The following CCNF variants were observed in gnomAD, a reference collection of about 807,000 sequenced individuals.
The protein encoded by CCNF is cyclin F.
In CCNF, 30 loss-of-function variants were observed where a neutral mutation model predicts 85.4. The ratio of observed to expected loss-of-function variants is 0.35; its 90% confidence interval spans 0.26 to 0.48. CCNF has a LOEUF of 0.48. CCNF is among the 20% of genes least tolerant of loss of function. CCNF has a pLI of 0.99. For synonymous variants in CCNF, 439 were observed against 425.1 expected (o/e 1.03, Z -0.40); for missense variants, 919 against 1,010.4 (o/e 0.91, Z 1.23).
At chr16:2,454,439 C>T (rs1025719499) in intron 15 of CCNF, among the ~76,000 whole-genome samples, 10 of 152,202 alleles carry the variant, frequency 6.6e-5, no homozygotes, top group African/African-American at 2.4e-4. Context: ...GGGGGCCTGG[C>T]CCTGGCCCTG....
At chr16:2,442,882 AATTATAT>A (rs1309564530) in intron 8 of CCNF, among the ~76,000 whole-genome samples, 7 of 31,298 alleles carry the variant, frequency 2.2e-4, no homozygotes, top group South Asian at 1.0e-3. Flanking sequence ...ATTATATTAT[AATTATAT>A]ATTATATATT....
At chr16:2,430,233 C>G (rs779594258) in intron 1 of CCNF, among the ~76,000 whole-genome samples, 6 of 151,916 alleles carry the variant, frequency 3.9e-5, no homozygotes, top group Non-Finnish European at 7.4e-5. Context: ...CCTTTCAGGA[C>G]TGGAAGGAAG....
chr16:2,441,358 T>C (rs1292002118), intron 8 of CCNF, among the ~76,000 whole-genome samples: 4 of 152,150 alleles, frequency 2.6e-5, no homozygotes, highest in African/African-American at 9.7e-5. Flanking sequence ...ATCGCAACAT[T>C]GCACTTCAGC....
At chr16:2,442,749 AATT>A (rs1391510443) in intron 8 of CCNF, among the ~76,000 whole-genome samples, 1 of 25,930 alleles carries the variant, frequency 3.9e-5, no homozygotes, top group African/African-American at 5.1e-4. Flanking sequence ...ATTATATAAT[AATT>A]ATAATAATAT....
In CCNF at chr16:2,457,613, C is replaced by T. The variant is rs376935289; in HGVS notation, c.*593C>T. On this transcript the variant is annotated 3_prime_UTR_variant, in exon 17 of 17. Coordinates refer to ENST00000397066, the MANE Select transcript of CCNF (RefSeq NM_001761.3). ...GCCTTGGCCACAGGCCCACTCCCTA[C>T]GACACGTGACTCGTTTTAGAGCTCT... 51 of 152,662 alleles carry T rather than the reference C, an allele frequency of 3.3e-4. No homozygotes were observed. Among genetic ancestry groups the T allele is most frequent in the African/African-American group, 1.1e-3 (45 of 41,594 alleles). The allele number at this position is 152,662 out of a possible 1,614,324, so 9.5% of individuals were successfully genotyped here.
At chr16:2,431,030 C>A (rs776824044) in intron 1 of CCNF, 100 bp from the exon 2 acceptor site, 4 of 1,202,056 alleles carry the variant, frequency 3.3e-6, no homozygotes, top group Non-Finnish European at 5.0e-6. Context: ...ACCATTAGAT[C>A]ATCTTCAGAT....
chr16:2,437,173 G>T lies in CCNF; in HGVS notation c.391G>T (p.Ala131Ser), dbSNP rs951449600. The change falls in exon 5 of 17, where the codon GCC becomes TCC. Residue 131 changes from alanine to serine, a missense_variant. By Grantham distance (99) the Ala-to-Ser change is moderately conservative. Around this residue, in one of 3 missense-constraint regions of CCNF, gnomAD observed 410 missense variants for 478.6 expected, o/e 0.86. Transcript: ENST00000397066. ...CCGCGCAGAAGTGAATGGCCTGAAG[G>T]CCTCTCGCTTCTTCAGTCTCGCTGA... ...EARAEVNGLKASRFFSLAERL... is the reference protein window; with the variant it reads ...EARAEVNGLKSSRFFSLAERL... 1.9e-6 allele frequency: 3 copies of T among 1,610,818 alleles called. No individual in the cohort carries two copies. The highest frequency in any genetic ancestry group is 1.7e-5 in the Admixed American group (1 of 59,900).
intron 1 of CCNF, 173 bp from the exon 2 acceptor site, chr16:2,430,956 CT>C (rs1318091633): frequency 1.3e-6 from 1 of 788,132 alleles, no homozygotes; most frequent in Admixed American, 1.7e-5. Flanking sequence ...AATGCCACTC[CT>C]TTACATAATC....
intron 16 of CCNF, 119 bp downstream of exon 16, chr16:2,455,683 G>T (rs1351614983): frequency 7.1e-7 from 1 of 1,405,532 alleles, no homozygotes. Context: ...CACAGAGTGC[G>T]GGGTGGGGCC....
rs545234686 is a variant in CCNF at position 2,449,173 on chromosome 16, G to C, written c.1219-109G>C. The C allele has an allele frequency of 2.5e-3, 3,592 of 1,461,548 alleles. 3 individuals are homozygous for C. The highest frequency in any genetic ancestry group is 3.2e-3 in the Non-Finnish European group (3,373 of 1,043,464). 90.5% of individuals were successfully genotyped at this position (1,461,548 alleles called of 1,614,324 possible). On this transcript the variant is annotated intron_variant, in intron 11 of 16. Transcript: ENST00000397066. Reference sequence around the variant, plus strand: ...TCTGCGCTGGTGCGCTACGCGTGCAGCATCGGCGTGAACATCATCCGGGCC... The same window carrying C: ...TCTGCGCTGGTGCGCTACGCGTGCACCATCGGCGTGAACATCATCCGGGCC...
chr16:2,439,364 G>T lies in CCNF; in HGVS notation c.606G>T (p.Lys202Asn). Residue 202 changes from lysine (K) to asparagine (N), a missense_variant, in exon 7 of 17, where the codon AAG becomes AAT. Transcript: ENST00000397066. ...RVLSLFEDEE[K>N]QQQAHDLFEE... Reference sequence around the variant, plus strand: ...GGGATTTATTCTAGGATGAGGAGAAGCAGCAGCAGGCCCATGACCTGTTTG... The same window carrying T: ...GGGATTTATTCTAGGATGAGGAGAATCAGCAGCAGGCCCATGACCTGTTTG... 6.2e-7 allele frequency: 1 copy of T among 1,604,998 alleles called. No homozygotes were observed. The highest frequency in any genetic ancestry group is 8.5e-7 in the Non-Finnish European group (1 of 1,175,436).
chr16:2,432,171 A>C (rs1022987932), intron 2 of CCNF, among the ~76,000 whole-genome samples: 1 of 152,176 alleles, frequency 6.6e-6, no homozygotes, highest in Non-Finnish European at 1.5e-5. Flanking sequence ...ATCCCTTAAA[A>C]AATAGGATAG....
intron 12 of CCNF, 23 bp from the exon 13 acceptor site, chr16:2,449,805 C>CCCTCCACA: frequency 9.2e-7 from 1 of 1,089,742 alleles, no homozygotes; most frequent in Non-Finnish European, 1.3e-6. Flanking sequence ...TCCCCTCCAC[C>CCCTCCACA]CCTGGCCTGC....
At position 2,457,343 on chromosome 16, in the gene CCNF, C is replaced by T. The variant is rs1435817424; in HGVS notation, c.*323C>T. On this transcript the variant is annotated 3_prime_UTR_variant, in exon 17 of 17. Coordinates refer to ENST00000397066, the MANE Select transcript of CCNF (RefSeq NM_001761.3). ...TCAGCCCATGTGTGTCCTGGTGTTCCCAGCCCCACCAGAGCCCCGTGCCGG... is the reference window on the plus strand; with the variant it reads ...TCAGCCCATGTGTGTCCTGGTGTTCTCAGCCCCACCAGAGCCCCGTGCCGG... The T allele has an allele frequency of 4.5e-6, 1 of 222,318 alleles. No homozygotes were observed. Among genetic ancestry groups the T allele is most frequent in the African/African-American group, 2.3e-5 (1 of 43,884 alleles). 13.8% of individuals were successfully genotyped at this position (222,318 alleles called of 1,614,324 possible).
At chr16:2,430,387 G>T (rs990529077) in intron 1 of CCNF, among the ~76,000 whole-genome samples, 1 of 152,162 alleles carries the variant, frequency 6.6e-6, no homozygotes, top group Non-Finnish European at 1.5e-5. Flanking sequence ...TGGAAAATCC[G>T]GCTGTGGGAA....
At chr16:2,445,687 G>T in intron 10 of CCNF, 65 bp downstream of exon 10, 1 of 1,437,970 alleles carries the variant, frequency 7.0e-7, no homozygotes, top group Middle Eastern at 2.5e-4. Context: ...AGGGTCACCT[G>T]CCCTTCATGT....
rs1488935525 is a variant in CCNF at position 2,432,594 on chromosome 16, GC to G, written c.172-365del. 2.0e-5 allele frequency among the ~76,000 whole-genome samples: 3 copies of G among 152,246 alleles called. No homozygotes were observed. In the East Asian group the frequency reaches 5.8e-4, roughly 29 times the overall value. On this transcript the variant is annotated intron_variant, in intron 2 of 16. Transcript: ENST00000397066. ...CTGTTTCCACACTCCCACTAGCAAG[GC>G]CTCCAGCGGGGAAGCACAAAACACA...
chr16:2,453,480 T>C lies in CCNF; in HGVS notation c.1658T>C (p.Leu553Pro), dbSNP rs535449480. ...TQDSPDPPTF[L>P]STGEIHAFLS... is the part of the protein sequence containing the mutation. ...GACAGCCCCGACCCCCCGACTTTCC[T>C]CAGCACAGGGGAGATCCACGCCTTC... Residue 553 changes from leucine (L) to proline (P), a missense_variant, in exon 15 of 17, where the codon CTC becomes CCC. Physicochemically the swap from Leu to Pro is moderately conservative, Grantham distance 98. Transcript: ENST00000397066. This position sits in a 1 kb window ranked among gnomAD's most constrained non-coding sequence, Gnocchi z 5.6. The C allele has an allele frequency of 6.8e-6, 11 of 1,614,026 alleles. No homozygotes were observed. The South Asian group carries it at 7.7e-5, about 11-fold the overall frequency.
At chr16:2,436,052 T>G in intron 4 of CCNF, 179 bp downstream of exon 4, 2 of 501,420 alleles carry the variant, frequency 4.0e-6, no homozygotes, top group Admixed American at 3.7e-5. Context: ...GACCTGCTAA[T>G]GATACTCTGA....
Sources: allele counts gnomAD v4.1 joint callset (sites outside exome capture counted in the v4.1 genomes callset), GRCh38; gene constraint gnomAD v4.1.1; regional missense constraint gnomAD v4.1.1; non-coding constraint Gnocchi (gnomAD v3.1); transcripts MANE v1.5; gene names NCBI Gene and HGNC (gene_info 2026-07-23, HGNC 2026-07-21).